TES: variants seen among roughly 807,000 people sequenced by gnomAD.
TES encodes testin LIM domain protein.
In TES, 41 loss-of-function variants were observed where a neutral mutation model predicts 48.2. The ratio of observed to expected loss-of-function variants is 0.85; its 90% confidence interval spans 0.66 to 1.10. The LOEUF (loss-of-function observed/expected upper bound fraction) is 1.10. TES is among the 50% of genes least tolerant of loss of function. The probability of loss-of-function intolerance (pLI) is 0.00; values close to 1 mark genes in which losing one functional copy is unlikely to be tolerated. For synonymous variants in TES, 162 were observed against 174.9 expected (o/e 0.93, Z 0.58); for missense variants, 463 against 515.1 (o/e 0.90, Z 0.98).
At chr7:116,223,008 C>T (rs572965999) in intron 1 of TES, 2 of 984,796 alleles carry the variant, frequency 2.0e-6, no homozygotes, top group East Asian at 1.1e-4. Flanking sequence ...GTAGAGTCCA[C>T]AGAAGAGGTA....
rs78881908 is a variant in TES, at chr7:116,229,374, G to C, written c.28-5160G>C. Among the ~76,000 whole-genome samples, 1,448 of 152,244 alleles carry C rather than the reference G, an allele frequency of 9.5e-3. 25 individuals carry two copies. Among genetic ancestry groups the C allele is most frequent in the African/African-American group, 0.033 (1,383 of 41,530 alleles). ...CAGGAAAGGAGAAGAACACTAAGGA[G>C]AAGGTGTGGTCTATGCTGAGGGTAA... On this transcript the variant is annotated intron_variant, in intron 1 of 6. Coordinates refer to ENST00000358204, the MANE Select transcript of TES (RefSeq NM_015641.4).
intron 1 of TES, among the ~76,000 whole-genome samples, chr7:116,212,102 C>T (rs1443181209): frequency 1.3e-5 from 2 of 152,080 alleles, no homozygotes; most frequent in Non-Finnish European, 2.9e-5. Context: ...GCCCGCTTAG[C>T]TTTCTGTTGA....
chr7:116,249,446 C>A, intron 3 of TES, 174 bp downstream of exon 3: 1 of 773,678 alleles, frequency 1.3e-6, no homozygotes, highest in Non-Finnish European at 2.0e-6. Flanking sequence ...AGACTAGATA[C>A]TTCATAAAAT....
At chr7:116,231,499 G>A (rs1057482996) in intron 1 of TES, among the ~76,000 whole-genome samples, 5 of 121,364 alleles carry the variant, frequency 4.1e-5, no homozygotes, top group African/African-American at 1.3e-4. Flanking sequence ...ACAGACATCC[G>A]TCAATACATG....
intron 1 of TES, among the ~76,000 whole-genome samples, chr7:116,226,808 A>C (rs1799626362): frequency 6.6e-6 from 1 of 152,178 alleles, no homozygotes; most frequent in Non-Finnish European, 1.5e-5. Flanking sequence ...GACAAGGACA[A>C]GGAGGCCTCT....
Position 116,231,114 on chromosome 7 carries a change from G to GC in TES, c.28-3418dup, listed in dbSNP as rs561964469. Among the ~76,000 whole-genome samples, 10 of 152,286 alleles carry GC rather than the reference G, an allele frequency of 6.6e-5. No homozygotes were observed. In the East Asian group the frequency reaches 1.9e-3, roughly 29 times the overall value. The stretch of plus-strand genomic sequence containing the variant: ...GCCCCAAAAGAACAGTAGAGCAGGA[G>GC]CCAGATGCTGAGTTTTAGGTCTGGT... On this transcript the variant is annotated intron_variant, in intron 1 of 6. Transcript: ENST00000358204.
At chr7:116,254,316 T>G (rs534696661) in intron 6 of TES, among the ~76,000 whole-genome samples, 2 of 133,574 alleles carry the variant, frequency 1.5e-5, no homozygotes, top group East Asian at 5.9e-4. Flanking sequence ...ATGAAACTGC[T>G]TTTTTTTCTT....
At chr7:116,248,168 A>G (rs1053606227) in intron 2 of TES, among the ~76,000 whole-genome samples, 10 of 152,274 alleles carry the variant, frequency 6.6e-5, no homozygotes, top group African/African-American at 2.2e-4. Flanking sequence ...TTATGGCTGC[A>G]TAGTATTCTA....
intron 6 of TES, among the ~76,000 whole-genome samples, chr7:116,255,664 A>G (rs6966770): frequency 0.33 from 49,613 of 152,102 alleles, 8,426 homozygotes; most frequent in East Asian, 0.58. Context: ...TCTGAGAAAA[A>G]GAAGATAGAT....
intron 2 of TES, among the ~76,000 whole-genome samples, chr7:116,240,767 A>T (rs1046137197): frequency 6.6e-6 from 1 of 152,198 alleles, no homozygotes; most frequent in African/African-American, 2.4e-5. Flanking sequence ...GACAGTTTAG[A>T]AAATTTAGAG....
At chr7:116,255,032 G>C (rs2116636149) in intron 6 of TES, 1 of 147,560 alleles carries the variant, frequency 6.8e-6, no homozygotes, top group Non-Finnish European at 1.5e-5. Flanking sequence ...TTTTAGACCT[G>C]AAATCAAGTG....
chr7:116,216,973 C>G (rs1308780062), intron 1 of TES, among the ~76,000 whole-genome samples: 1 of 151,840 alleles, frequency 6.6e-6, no homozygotes, highest in Non-Finnish European at 1.5e-5. Flanking sequence ...TATATGAGTG[C>G]TTTTTTACGT....
chr7:116,211,880 C>G (rs919796329), intron 1 of TES, among the ~76,000 whole-genome samples: 2 of 152,038 alleles, frequency 1.3e-5, no homozygotes, highest in East Asian at 3.8e-4. Context: ...AATAAAAACT[C>G]GAAATGAGAA....
At chr7:116,235,759 G>A (rs1229513814) in intron 2 of TES, among the ~76,000 whole-genome samples, 1 of 152,160 alleles carries the variant, frequency 6.6e-6, no homozygotes, top group Non-Finnish European at 1.5e-5. Context: ...AAACACTTCT[G>A]TACTACAGAT....
At chr7:116,222,587 T>C (rs1482704820) in intron 1 of TES, among the ~76,000 whole-genome samples, 1 of 152,182 alleles carries the variant, frequency 6.6e-6, no homozygotes, top group East Asian at 1.9e-4. Flanking sequence ...CCATAGCCTT[T>C]AGGCATCGCA....
At chr7:116,245,751 A>AT (rs927462919) in intron 2 of TES, among the ~76,000 whole-genome samples, 75 of 152,322 alleles carry the variant, frequency 4.9e-4, no homozygotes, top group Non-Finnish European at 1.3e-4. Context: ...TAATAAAGAC[A>AT]TACCTGAGAC....
intron 3 of TES, 116 bp downstream of exon 3, chr7:116,249,388 G>C (rs1201879769): frequency 1.6e-6 from 2 of 1,245,768 alleles, no homozygotes; most frequent in African/African-American, 3.0e-5. Context: ...TTCTTCCGGG[G>C]TTCTCATTAC....
At chr7:116,213,729 T>G (rs1299859628) in intron 1 of TES, among the ~76,000 whole-genome samples, 1 of 152,250 alleles carries the variant, frequency 6.6e-6, no homozygotes, top group Non-Finnish European at 1.5e-5. Context: ...GTTTTTGTTT[T>G]AATAATACTT....
chr7:116,257,505 G>A lies in TES; in HGVS notation c.*23G>A, dbSNP rs1800119487. On this transcript the variant is annotated 3_prime_UTR_variant, in exon 7 of 7. Coordinates refer to ENST00000358204, the MANE Select transcript of TES (RefSeq NM_015641.4). ...TAGGAGGAGGGCACCCAGAAGTATC[G>A]AGCCATAGCTATCCAAAGTGGTCTG... The A allele has an allele frequency of 1.9e-6, 3 of 1,545,476 alleles. No homozygotes were observed. Among genetic ancestry groups the A allele is most frequent in the Non-Finnish European group, 2.6e-6 (3 of 1,144,460 alleles).
Sources: allele counts gnomAD v4.1 joint callset (sites outside exome capture counted in the v4.1 genomes callset), GRCh38; gene constraint gnomAD v4.1.1; transcripts MANE v1.5; gene names NCBI Gene and HGNC (gene_info 2026-07-23, HGNC 2026-07-21).